The following MYL10 variants were observed in gnomAD, a reference collection of about 807,000 sequenced individuals.
MYL10 encodes myosin regulatory light chain 10.
A neutral mutation model predicts 21.9 loss-of-function variants in MYL10; 18 were observed. The ratio of observed to expected loss-of-function variants is 0.82; its 90% confidence interval spans 0.57 to 1.22. The LOEUF (loss-of-function observed/expected upper bound fraction) is 1.22. Ranked by LOEUF, MYL10 falls within the 50% of genes most tolerant of loss-of-function variation. MYL10 has a pLI of 0.00. For missense variants in MYL10, 225 were observed against 230.4 expected, an observed-to-expected ratio of 0.98 and a Z score of 0.15; for synonymous variants, 88 against 82.8, an observed-to-expected ratio of 1.06 and a Z score of -0.34.
At chr7:101,618,310 C>T (rs548069781) in intron 5 of MYL10, among the ~76,000 whole-genome samples, 10 of 152,296 alleles carry the variant, frequency 6.6e-5, no homozygotes, top group Non-Finnish European at 1.0e-4. Context: ...TGCCTCTAGG[C>T]GGGTGAGGGT....
At chr7:101,615,733 C>T (rs1402515040) in intron 6 of MYL10, among the ~76,000 whole-genome samples, 2 of 142,536 alleles carry the variant, frequency 1.4e-5, no homozygotes, top group African/African-American at 2.6e-5. Context: ...CTCACTCTGT[C>T]GCCCAGTCTG....
intron 6 of MYL10, among the ~76,000 whole-genome samples, chr7:101,615,764 G>T (rs1314590997): frequency 2.1e-5 from 3 of 144,098 alleles, no homozygotes; most frequent in African/African-American, 7.8e-5. Context: ...GCGTGATCTC[G>T]GCTCACTGCA....
chr7:101,613,559 A>C lies in MYL10; in HGVS notation c.597T>G (p.Phe199Leu), dbSNP rs370793573. Reference protein sequence around the residue: ...RFSEEEVKQMFAAFPPDVCGN... With the variant: ...RFSEEEVKQMLAAFPPDVCGN... ...CGCACACATCTGGGGGAAATGCTGC[A>C]AACATCTGCTTGACCTGAGAAGGAG... Residue 199 changes from phenylalanine (F) to leucine (L), a missense_variant, in exon 8 of 8, where the codon TTT (phenylalanine) becomes TTG (leucine). Coordinates refer to ENST00000223167, the MANE Select transcript of MYL10 (RefSeq NM_138403.5). 8.7e-6 allele frequency: 14 copies of C among 1,614,148 alleles called. No homozygotes were observed. Among genetic ancestry groups the C allele is most frequent in the Non-Finnish European group, 1.2e-5 (14 of 1,180,026 alleles).
chr7:101,628,439 G>C (rs1379660338), intron 1 of MYL10, among the ~76,000 whole-genome samples: 4 of 152,158 alleles, frequency 2.6e-5, no homozygotes, highest in Non-Finnish European at 5.9e-5. Flanking sequence ...CTGGGCGACA[G>C]AGTGAGATAT....
chr7:101,624,356 A>G, intron 1 of MYL10, 92 bp from the exon 2 acceptor site: 1 of 915,974 alleles, frequency 1.1e-6, no homozygotes, highest in Non-Finnish European at 1.7e-6. Context: ...CACGGTCCAG[A>G]ATGACACCGC....
chr7:101,613,850 C>G, intron 6 of MYL10, 140 bp from the exon 7 acceptor site: 1 of 783,540 alleles, frequency 1.3e-6, no homozygotes, highest in South Asian at 1.6e-5. Context: ...CTGACCCTGC[C>G]AGCCCCCCCG....
intron 1 of MYL10, 38 bp from the exon 2 acceptor site, chr7:101,624,302 C>G (rs1395898888): frequency 1.3e-6 from 2 of 1,528,090 alleles, no homozygotes; most frequent in East Asian, 4.5e-5. Flanking sequence ...GCGGCCCCTG[C>G]CTCGAGGGTC....
chr7:101,617,104 C>T lies in MYL10; in HGVS notation c.455-806G>A, dbSNP rs565674561. Among the ~76,000 whole-genome samples, 20 of 152,356 alleles carry T rather than the reference C, an allele frequency of 1.3e-4. No individual in the cohort carries two copies. The South Asian group carries it at 4.1e-3, about 32-fold the overall frequency. On this transcript the variant is annotated intron_variant, in intron 5 of 7. Coordinates refer to ENST00000223167, the MANE Select transcript of MYL10 (RefSeq NM_138403.5). Reference sequence around the variant, plus strand: ...TGACAGCAGGTGACCTGGCCACCCTCGCCCGGTGCCCTTTCCCCTTCTGTC... The same window carrying T: ...TGACAGCAGGTGACCTGGCCACCCTTGCCCGGTGCCCTTTCCCCTTCTGTC...
Position 101,624,167 on chromosome 7 carries a change from C to A in MYL10, c.171+5G>T. Reference sequence around the variant, plus strand: ...CATAACAGCCCCATGGGGCAGCAGACCAACCTCTTTAAACTCCTGGATCTG... The same window carrying A: ...CATAACAGCCCCATGGGGCAGCAGAACAACCTCTTTAAACTCCTGGATCTG... On this transcript the variant is annotated splice_donor_5th_base_variant and intron_variant, in intron 2 of 7. Coordinates refer to ENST00000223167, the MANE Select transcript of MYL10 (RefSeq NM_138403.5). 1 of 1,601,222 alleles carries A rather than the reference C, an allele frequency of 6.2e-7. No homozygotes were observed. The highest frequency in any genetic ancestry group is 8.5e-7 in the Non-Finnish European group (1 of 1,169,816).
chr7:101,620,472 T>A (rs1796665063), intron 5 of MYL10, among the ~76,000 whole-genome samples: 1 of 152,332 alleles, frequency 6.6e-6, no homozygotes, highest in Admixed American at 6.5e-5. Context: ...TCTGCCAGAT[T>A]TCGCACTTCT....
chr7:101,628,065 G>T (rs1562827892), intron 1 of MYL10, among the ~76,000 whole-genome samples: 1 of 152,230 alleles, frequency 6.6e-6, no homozygotes, highest in Admixed American at 6.5e-5. Context: ...CTACCAATAT[G>T]CCTATTATCA....
chr7:101,615,636 C>T (rs1434380767), intron 6 of MYL10, among the ~76,000 whole-genome samples: 4 of 147,668 alleles, frequency 2.7e-5, no homozygotes, highest in Non-Finnish European at 6.0e-5. Context: ...TCTTCAAGAT[C>T]TGCCTTTGCC....
intron 5 of MYL10, among the ~76,000 whole-genome samples, chr7:101,616,589 A>T (rs1796612544): frequency 6.6e-6 from 1 of 152,208 alleles, no homozygotes; most frequent in Admixed American, 6.5e-5. Flanking sequence ...TTGAGCATTT[A>T]ATTTGTGCTT....
intron 1 of MYL10, among the ~76,000 whole-genome samples, chr7:101,626,045 T>G (rs1286145790): frequency 6.6e-6 from 1 of 152,146 alleles, no homozygotes; most frequent in Non-Finnish European, 1.5e-5. Flanking sequence ...CCAGCTGTCT[T>G]GAAAATTCCT....
chr7:101,628,092 C>A (rs1366274677), intron 1 of MYL10, among the ~76,000 whole-genome samples: 1 of 152,206 alleles, frequency 6.6e-6, no homozygotes, highest in Non-Finnish European at 1.5e-5. Context: ...CCATTAAGCA[C>A]CCCCAGGCCA....
intron 6 of MYL10, 147 bp from the exon 7 acceptor site, chr7:101,613,857 C>G (rs115243406): frequency 2.2e-5 from 16 of 731,206 alleles, no homozygotes; most frequent in South Asian, 5.1e-5. Flanking sequence ...TGCCAGCCCC[C>G]CCGATGGCCA....
At chr7:101,616,956 A>T (rs1050622423) in intron 5 of MYL10, among the ~76,000 whole-genome samples, 1 of 152,238 alleles carries the variant, frequency 6.6e-6, no homozygotes, top group Admixed American at 6.5e-5. Flanking sequence ...GAGAGATGTC[A>T]TTAGAAGAAA....
chr7:101,623,549 G>A (rs776754401), intron 3 of MYL10, among the ~76,000 whole-genome samples: 1 of 151,976 alleles, frequency 6.6e-6, no homozygotes, highest in Admixed American at 6.6e-5. Context: ...TAAAAAATTA[G>A]CCAGGCATGG....
At chr7:101,622,337 G>A in intron 4 of MYL10, 137 bp from the exon 5 acceptor site, 1 of 587,056 alleles carries the variant, frequency 1.7e-6, no homozygotes, top group Non-Finnish European at 2.9e-6. Flanking sequence ...CCTTTTTGGG[G>A]GACTCTTTAG....
Sources: allele counts gnomAD v4.1 joint callset (sites outside exome capture counted in the v4.1 genomes callset), GRCh38; gene constraint gnomAD v4.1.1; transcripts MANE v1.5; gene names NCBI Gene and HGNC (gene_info 2026-07-23, HGNC 2026-07-21).